Variants in ITGA8 observed in about 807,000 individuals in gnomAD.
ITGA8 encodes integrin subunit alpha 8.
Under a neutral mutation model 142.3 loss-of-function variants are expected in ITGA8, and 91 were observed. The ratio of observed to expected loss-of-function variants is 0.64; its 90% CI spans 0.54 to 0.76. The LOEUF (loss-of-function observed/expected upper bound fraction) is 0.76. ITGA8 is among the 30% of genes least tolerant of loss of function. The probability of loss-of-function intolerance (pLI) is 0.00; values close to 1 mark genes in which losing one functional copy is unlikely to be tolerated. For missense variants in ITGA8, 1,406 were observed against 1,327.7 expected, an observed-to-expected ratio of 1.06 and a Z score of -0.92; for synonymous variants, 505 against 485.2, an observed-to-expected ratio of 1.04 and a Z score of -0.54.
chr10:15,517,677 C>T (rs1359149407), intron 29 of ITGA8, among the ~76,000 whole-genome samples: 1 of 152,236 alleles, frequency 6.6e-6, no homozygotes, highest in African/African-American at 2.4e-5. Flanking sequence ...CAGTCTGTTT[C>T]TCCAAATTAG....
At chr10:15,643,981 T>A (rs767763770) in intron 13 of ITGA8, 49 bp downstream of exon 13, 8 of 1,525,186 alleles carry the variant, frequency 5.2e-6, no homozygotes, top group Non-Finnish European at 7.1e-6. Flanking sequence ...GAAAATGGAC[T>A]CTATTTCAGG....
intron 21 of ITGA8, among the ~76,000 whole-genome samples, chr10:15,592,768 T>C (rs1832948466): frequency 6.6e-6 from 1 of 152,048 alleles, no homozygotes; most frequent in Admixed American, 6.6e-5. Context: ...CCACACCTGG[T>C]TAACTTTTTT....
chr10:15,589,593 A>C (rs1427366522), intron 22 of ITGA8, among the ~76,000 whole-genome samples: 1 of 152,190 alleles, frequency 6.6e-6, no homozygotes, highest in Non-Finnish European at 1.5e-5. Context: ...TAGACTTCAG[A>C]ACATTTGGTT....
intron 27 of ITGA8, among the ~76,000 whole-genome samples, chr10:15,544,089 G>A (rs1833624554): frequency 6.6e-6 from 1 of 152,182 alleles, no homozygotes; most frequent in Admixed American, 6.5e-5. Flanking sequence ...GAAGCCAGGA[G>A]TTTGAGACCA....
intron 2 of ITGA8, among the ~76,000 whole-genome samples, chr10:15,696,113 C>G (rs1210142460): frequency 2.0e-5 from 3 of 152,186 alleles, no homozygotes; most frequent in Non-Finnish European, 4.4e-5. Flanking sequence ...GGCCGCCTGT[C>G]GTCTGAAGCA....
rs190879304 is a variant in ITGA8 at position 15,661,015 on chromosome 10, T to C, written c.848-93A>G. Reference sequence around the variant, plus strand: ...ATACTAAAAGTGGTAAAGACAGTGCTTGTAAAATGAGTGGCTATCATACAG... The same window carrying C: ...ATACTAAAAGTGGTAAAGACAGTGCCTGTAAAATGAGTGGCTATCATACAG... On this transcript the variant is annotated intron_variant, in intron 8 of 29. Transcript: ENST00000378076. 1,331 of 1,169,698 alleles carry C rather than the reference T, an allele frequency of 1.1e-3. 24 individuals carry two copies. In the Admixed American group the frequency reaches 0.022, roughly 19 times the overall value. 72.5% of individuals were successfully genotyped at this position (1,169,698 alleles called of 1,614,324 possible). A position where few individuals can be genotyped will look rare whatever the true frequency, so the allele number is the denominator to read the frequency against.
chr10:15,585,086 A>G (rs983381104), intron 23 of ITGA8, among the ~76,000 whole-genome samples: 3 of 152,206 alleles, frequency 2.0e-5, no homozygotes, highest in African/African-American at 7.2e-5. Flanking sequence ...TGTAACACTC[A>G]GGCAGTTGAC....
intron 2 of ITGA8, among the ~76,000 whole-genome samples, chr10:15,709,090 C>T (rs1468620675): frequency 2.0e-5 from 3 of 152,158 alleles, no homozygotes; most frequent in Admixed American, 6.5e-5. Context: ...AGGTTGATTT[C>T]GTTTGTGAAT....
At chr10:15,604,129 C>T in intron 20 of ITGA8, 79 bp downstream of exon 20, 2 of 1,276,302 alleles carry the variant, frequency 1.6e-6, no homozygotes, top group Non-Finnish European at 2.2e-6. Context: ...AAACTCTCAG[C>T]TAAGATGGCC....
chr10:15,532,853 C>T (rs1259596179), intron 27 of ITGA8, among the ~76,000 whole-genome samples: 1 of 152,118 alleles, frequency 6.6e-6, no homozygotes, highest in Non-Finnish European at 1.5e-5. Flanking sequence ...AATAAATACT[C>T]AAAACCTCAT....
intron 13 of ITGA8, among the ~76,000 whole-genome samples, chr10:15,641,766 C>G (rs1458590109): frequency 6.6e-6 from 1 of 152,110 alleles, no homozygotes; most frequent in Non-Finnish European, 1.5e-5. Flanking sequence ...TTGCATCAGA[C>G]TCAGCAAAGT....
At chr10:15,611,355 G>A (rs1833289971) in intron 15 of ITGA8, among the ~76,000 whole-genome samples, 1 of 151,850 alleles carries the variant, frequency 6.6e-6, no homozygotes, top group African/African-American at 2.4e-5. Flanking sequence ...AATTGTAAAG[G>A]GATATACATT....
rs150498494 is a variant in ITGA8, at chr10:15,542,730, G to A, written c.2880+5725C>T. Among the ~76,000 whole-genome samples, 1,395 of 152,168 alleles carry A rather than the reference G, an allele frequency of 9.2e-3. 4 individuals are homozygous for A. Among genetic ancestry groups the A allele is most frequent in the Non-Finnish European group, 0.015 (1,035 of 67,996 alleles). On this transcript the variant is annotated intron_variant, in intron 27 of 29. Transcript: ENST00000378076. ...CTCCCCCTTACTATCTATGTGACTC[G>A]GGAAGGCCATATAATATCTATGTCT...
intron 2 of ITGA8, among the ~76,000 whole-genome samples, chr10:15,706,585 G>A (rs1197826194): frequency 6.6e-6 from 1 of 151,956 alleles, no homozygotes; most frequent in African/African-American, 2.4e-5. Context: ...GACTACAGGT[G>A]CACACTACTG....
chr10:15,653,051 C>T (rs1282190092), intron 11 of ITGA8, among the ~76,000 whole-genome samples: 1 of 152,216 alleles, frequency 6.6e-6, no homozygotes, highest in Non-Finnish European at 1.5e-5. Flanking sequence ...ATGCAGTGAC[C>T]TGCACACCTT....
chr10:15,561,165 C>T (rs140864482), intron 25 of ITGA8, among the ~76,000 whole-genome samples: 185 of 147,106 alleles, frequency 1.3e-3, no homozygotes, highest in African/African-American at 4.5e-3. Flanking sequence ...ATTGAGATTA[C>T]AGGTGTAAGT....
chr10:15,520,154 G>A (rs1356501775), intron 28 of ITGA8, among the ~76,000 whole-genome samples: 3 of 152,178 alleles, frequency 2.0e-5, no homozygotes, highest in Non-Finnish European at 4.4e-5. Flanking sequence ...GCTCATGCCT[G>A]TAATCCTAGC....
chr10:15,700,232 C>T (rs991063892), intron 2 of ITGA8, among the ~76,000 whole-genome samples: 4 of 152,182 alleles, frequency 2.6e-5, no homozygotes, highest in Non-Finnish European at 5.9e-5. Flanking sequence ...TCCATTTCTT[C>T]CCGGTGATTT....
chr10:15,558,891 A>C (rs1382082911), intron 25 of ITGA8, among the ~76,000 whole-genome samples: 1 of 152,196 alleles, frequency 6.6e-6, no homozygotes, highest in Non-Finnish European at 1.5e-5. Context: ...TGAGAATTCC[A>C]ATAAATCACA....
Sources: gnomAD v4.1 joint callset for allele counts (sites outside exome capture counted in the v4.1 genomes callset) on GRCh38, gnomAD v4.1.1 for gene constraint, MANE v1.5 for transcripts, NCBI Gene and HGNC (gene_info 2026-07-23, HGNC 2026-07-21) for gene names.